Variants in MRPL48 observed in about 807,000 individuals in gnomAD.
MRPL48 encodes large ribosomal subunit protein mL48.
In MRPL48, 16 loss-of-function variants were observed where a neutral mutation model predicts 32.9. That is an observed-to-expected ratio of 0.49 (90% CI 0.33 to 0.74). MRPL48 has a LOEUF of 0.74. Among genes scored for constraint, MRPL48 ranks in the 30% least tolerant of loss-of-function variants. The pLI, the probability that MRPL48 is intolerant of heterozygous loss-of-function variation, is 0.02. For synonymous variants in MRPL48, 94 were observed against 89.2 expected (o/e 1.05, Z -0.31); for missense variants, 206 against 245.3 (o/e 0.84, Z 1.07).
At chr11:73,812,103 G>C (rs892481129) in intron 3 of MRPL48, among the ~76,000 whole-genome samples, 1 of 152,094 alleles carries the variant, frequency 6.6e-6, no homozygotes, top group Non-Finnish European at 1.5e-5. Context: ...AGCCAGGATG[G>C]TCTAGATCTC....
intron 2 of MRPL48, among the ~76,000 whole-genome samples, chr11:73,807,539 A>G (rs957355870): frequency 6.6e-6 from 1 of 151,998 alleles, no homozygotes; most frequent in African/African-American, 2.4e-5. Context: ...AAAAAACACT[A>G]CAAGGCAAAT....
intron 3 of MRPL48, among the ~76,000 whole-genome samples, chr11:73,809,162 A>G (rs1947520824): frequency 6.6e-6 from 1 of 151,978 alleles, no homozygotes; most frequent in Non-Finnish European, 1.5e-5. Context: ...TAAAAAAAAG[A>G]GGATAATTGT....
intron 5 of MRPL48, among the ~76,000 whole-genome samples, chr11:73,851,640 C>T (rs1043241031): frequency 6.6e-6 from 1 of 152,098 alleles, no homozygotes; most frequent in East Asian, 1.9e-4. Flanking sequence ...TTCCCTCTGA[C>T]AGTGCATTCC....
intron 4 of MRPL48, among the ~76,000 whole-genome samples, chr11:73,830,829 C>G (rs1296379750): frequency 1.3e-5 from 2 of 151,858 alleles, no homozygotes; most frequent in Non-Finnish European, 2.9e-5. Context: ...CTTGTTAATA[C>G]TGTTTTTATC....
At position 73,826,774 on chromosome 11, in the gene MRPL48, C is replaced by CTTTTT. The variant is rs71065041; in HGVS notation, c.201+993_201+997dup. On this transcript the variant is annotated intron_variant, in intron 4 of 7. Coordinates refer to ENST00000310614, the MANE Select transcript of MRPL48 (RefSeq NM_016055.6). ...GGATAACTGATTCTTACTGTATTTT[C>CTTTTT]TTTTTTTTTTTTTTTTTTTGAGATG... Among the ~76,000 whole-genome samples the CTTTTT allele has an allele frequency of 8.2e-4, 89 of 108,936 alleles. 1 individual carries two copies. The highest frequency in any genetic ancestry group is 1.0e-3 in the Non-Finnish European group (54 of 52,178). The allele number at this position is 108,936 out of a possible 152,430, so 71.5% of individuals were successfully genotyped here.
In MRPL48 at chr11:73,841,349, G is replaced by T. The variant is rs562796800; in HGVS notation, c.202-3458G>T. 7.9e-5 allele frequency among the ~76,000 whole-genome samples: 12 copies of T among 152,268 alleles called. No individual in the cohort carries two copies. In the East Asian group the frequency reaches 2.1e-3, roughly 27 times the overall value. On this transcript the variant is annotated intron_variant, in intron 4 of 7. Transcript: ENST00000310614. ...CTAAAAGATACATACTAGAACATTG[G>T]TTGCACTACTATTCATAACGGCCCC... is the stretch of plus-strand genomic sequence containing the variant.
At chr11:73,795,636 A>G (rs1394797859) in intron 1 of MRPL48, among the ~76,000 whole-genome samples, 6 of 150,118 alleles carry the variant, frequency 4.0e-5, no homozygotes, top group Non-Finnish European at 8.9e-5. Flanking sequence ...CCTCCCCAGT[A>G]GCTGGGACTG....
intron 4 of MRPL48, among the ~76,000 whole-genome samples, chr11:73,844,093 ATTGGGGGGCTCATAGACCCC>A (rs1948242053): frequency 6.6e-6 from 1 of 151,264 alleles, no homozygotes; most frequent in Non-Finnish European, 1.5e-5. Context: ...AAAAAAAAAT[ATTGGGGGGCTCATAGACCCC>A]TTAATTCATA....
At chr11:73,802,850 C>T (rs1286748159) in intron 1 of MRPL48, among the ~76,000 whole-genome samples, 1 of 152,024 alleles carries the variant, frequency 6.6e-6, no homozygotes, top group African/African-American at 2.4e-5. Context: ...CAGGTGTGCA[C>T]CACCACGCCT....
At chr11:73,791,981 C>G (rs1370484828) in intron 1 of MRPL48, among the ~76,000 whole-genome samples, 1 of 152,112 alleles carries the variant, frequency 6.6e-6, no homozygotes, top group East Asian at 1.9e-4. Flanking sequence ...TGGTCTTTAA[C>G]TTCTGAGCTC....
chr11:73,788,385 G>GTTTTGACT (rs1170393938), intron 1 of MRPL48, among the ~76,000 whole-genome samples: 3 of 150,844 alleles, frequency 2.0e-5, no homozygotes, highest in Admixed American at 1.3e-4. Context: ...TAAGAATGCA[G>GTTTTGACT]TTTTGACTTG....
At chr11:73,848,177 T>A (rs556489033) in intron 5 of MRPL48, among the ~76,000 whole-genome samples, 1 of 150,772 alleles carries the variant, frequency 6.6e-6, no homozygotes, top group Non-Finnish European at 1.5e-5. Flanking sequence ...GGGTCAAAGT[T>A]TTTTTTTTTG....
At chr11:73,835,166 G>A (rs557257782) in intron 4 of MRPL48, among the ~76,000 whole-genome samples, 290 of 123,168 alleles carry the variant, frequency 2.4e-3, no homozygotes, top group Non-Finnish European at 3.2e-3. Flanking sequence ...TTTTTGAGAC[G>A]AAGTCTCGCT....
intron 3 of MRPL48, among the ~76,000 whole-genome samples, chr11:73,815,766 C>CAA (rs1258108529): frequency 6.6e-6 from 1 of 151,894 alleles, no homozygotes; most frequent in Non-Finnish European, 1.5e-5. Flanking sequence ...CTCTGTCACC[C>CAA]AGGCTGGAGT....
chr11:73,818,797 G>C (rs1450912028), intron 3 of MRPL48, among the ~76,000 whole-genome samples: 1 of 152,196 alleles, frequency 6.6e-6, no homozygotes, highest in Non-Finnish European at 1.5e-5. Context: ...GGATTGATGG[G>C]TTTAGTTCTC....
intron 1 of MRPL48, among the ~76,000 whole-genome samples, chr11:73,801,146 AT>A (rs1947356945): frequency 6.6e-6 from 1 of 152,188 alleles, no homozygotes; most frequent in South Asian, 2.1e-4. Flanking sequence ...CTTTTAGATA[AT>A]TAAAACCTTG....
intron 3 of MRPL48, among the ~76,000 whole-genome samples, chr11:73,810,502 C>T (rs954989349): frequency 6.6e-6 from 1 of 151,328 alleles, no homozygotes; most frequent in Non-Finnish European, 1.5e-5. Flanking sequence ...GCCTGGGCAA[C>T]AAGAGCGAAA....
chr11:73,860,236 T>C, intron 6 of MRPL48: 1 of 426,268 alleles, frequency 2.3e-6, no homozygotes, highest in Non-Finnish European at 4.3e-6. Flanking sequence ...AACCCCCAGA[T>C]GTATATATCT....
chr11:73,837,842 C>G (rs577771163), intron 4 of MRPL48, among the ~76,000 whole-genome samples: 2 of 152,112 alleles, frequency 1.3e-5, no homozygotes, highest in East Asian at 3.9e-4. Context: ...ATCCTTTGCA[C>G]AGATTTATTT....
Sources: gnomAD v4.1 joint callset for allele counts (sites outside exome capture counted in the v4.1 genomes callset) on GRCh38, gnomAD v4.1.1 for gene constraint, MANE v1.5 for transcripts, NCBI Gene and HGNC (gene_info 2026-07-23, HGNC 2026-07-21) for gene names.